Variants in MMS22L observed in about 807,000 individuals in gnomAD.
The protein encoded by MMS22L is MMS22 like, DNA repair protein.
A neutral mutation model predicts 159.1 loss-of-function variants in MMS22L; 74 were observed. The observed-to-expected ratio is 0.47, with a 90% CI of 0.39 to 0.56. The LOEUF is 0.56. Among genes scored for constraint, MMS22L ranks in the 20% least tolerant of loss-of-function variants. MMS22L has a pLI of 0.00. For synonymous variants in MMS22L, 517 were observed against 506.9 expected, an observed-to-expected ratio of 1.02 and a Z score of -0.27; for missense variants, 1,351 against 1,422.1, an observed-to-expected ratio of 0.95 and a Z score of 0.80.
chr6:97,281,015 A>G (rs1334242219), intron 3 of MMS22L, among the ~76,000 whole-genome samples: 1 of 152,212 alleles, frequency 6.6e-6, no homozygotes, highest in African/African-American at 2.4e-5. Context: ...TTGTCAATAC[A>G]TGTGTCAAAT....
intron 14 of MMS22L, among the ~76,000 whole-genome samples, chr6:97,228,659 C>G (rs1015477596): frequency 1.3e-5 from 2 of 152,132 alleles, no homozygotes; most frequent in African/African-American, 2.4e-5. Flanking sequence ...AAAATCTAAA[C>G]AAATCCAAAA....
intron 11 of MMS22L, among the ~76,000 whole-genome samples, chr6:97,234,351 T>G (rs1811177371): frequency 6.6e-6 from 1 of 152,210 alleles, no homozygotes; most frequent in Non-Finnish European, 1.5e-5. Context: ...TCCAGAGTGC[T>G]TGGTCATACT....
intron 10 of MMS22L, among the ~76,000 whole-genome samples, chr6:97,248,970 C>T (rs1317539517): frequency 3.3e-5 from 5 of 152,012 alleles, no homozygotes; most frequent in Admixed American, 1.3e-4. Flanking sequence ...TATGGTCATA[C>T]TGGATAATCT....
At position 97,162,110 on chromosome 6, in the gene MMS22L, G is replaced by C; in HGVS notation, c.3277C>G (p.Leu1093Val). ...SSPPPRLASI[L>V]AFILQLFKET... The stretch of plus-strand genomic sequence containing the variant: ...TTGAAGAGTTGGAGGATGAAGGCCA[G>C]AATGGATGCTAAGCGAGGAGGAGGT... The change falls in exon 22 of 25, where the codon CTG becomes GTG. Residue 1093 changes from leucine (L) to valine (V), a missense_variant. Physicochemically the swap from Leu to Val is conservative, Grantham distance 32. Coordinates refer to ENST00000683635, the MANE Select transcript of MMS22L (RefSeq NM_001350599.2). The C allele has an allele frequency of 1.9e-6, 3 of 1,611,782 alleles. No individual in the cohort carries two copies. The highest frequency in any genetic ancestry group is 2.5e-6 in the Non-Finnish European group (3 of 1,178,948).
rs1304854975 is a variant in MMS22L, at chr6:97,192,212, GAAT to G, written c.2040-5525_2040-5523del. Among the ~76,000 whole-genome samples, 133 of 151,802 alleles carry G rather than the reference GAAT, an allele frequency of 8.8e-4. 2 individuals carry two copies. Among genetic ancestry groups the G allele is most frequent in the Admixed American group, 8.4e-3 (128 of 15,210 alleles). On this transcript the variant is annotated intron_variant, in intron 14 of 24. Transcript: ENST00000683635. ...TGGATGGATGGATGGATGGATGGAT[GAAT>G]GAATGAATGAATATGTGAAATCAAA...
chr6:97,250,331 T>A (rs867685674), intron 10 of MMS22L, among the ~76,000 whole-genome samples: 2 of 152,158 alleles, frequency 1.3e-5, no homozygotes, highest in South Asian at 4.1e-4. Flanking sequence ...GACTAGGTAG[T>A]CTGGTGCAAC....
intron 11 of MMS22L, among the ~76,000 whole-genome samples, chr6:97,244,772 T>C (rs1308279679): frequency 6.6e-6 from 1 of 152,146 alleles, no homozygotes. Context: ...TATATATTAG[T>C]TCTGTCCCTC....
intron 7 of MMS22L, among the ~76,000 whole-genome samples, chr6:97,268,390 G>A (rs879574197): frequency 2.5e-4 from 38 of 151,852 alleles, no homozygotes; most frequent in Non-Finnish European, 4.3e-4. Flanking sequence ...GGGTTTCACC[G>A]TGTTAGCCAG....
At chr6:97,184,495 T>TA (rs1316591465) in intron 15 of MMS22L, among the ~76,000 whole-genome samples, 3 of 151,984 alleles carry the variant, frequency 2.0e-5, no homozygotes, top group African/African-American at 4.8e-5. Context: ...ATGAACATCT[T>TA]AAAAAAAATT....
intron 14 of MMS22L, among the ~76,000 whole-genome samples, chr6:97,195,477 AC>A (rs1806392755): frequency 6.6e-6 from 1 of 152,220 alleles, no homozygotes; most frequent in Non-Finnish European, 1.5e-5. Flanking sequence ...AAAAAACGTA[AC>A]CACTTTGATT....
At chr6:97,201,192 T>C (rs1280513864) in intron 14 of MMS22L, among the ~76,000 whole-genome samples, 1 of 152,172 alleles carries the variant, frequency 6.6e-6, no homozygotes, top group Non-Finnish European at 1.5e-5. Flanking sequence ...ACAGCCTACA[T>C]ATTTGAATAA....
intron 3 of MMS22L, among the ~76,000 whole-genome samples, chr6:97,279,604 G>A (rs1489165686): frequency 6.6e-6 from 1 of 151,914 alleles, no homozygotes; most frequent in Non-Finnish European, 1.5e-5. Flanking sequence ...GGCCAGCATG[G>A]TGAGACCCCA....
At chr6:97,165,158 G>A in intron 21 of MMS22L, 88 bp downstream of exon 21, 2 of 1,129,548 alleles carry the variant, frequency 1.8e-6, no homozygotes, top group Admixed American at 1.8e-5. Context: ...TATCCTAAGG[G>A]TTGCCAATAT....
intron 19 of MMS22L, among the ~76,000 whole-genome samples, chr6:97,170,285 T>A (rs779266812): frequency 2.0e-5 from 3 of 152,128 alleles, no homozygotes; most frequent in Non-Finnish European, 4.4e-5. Flanking sequence ...CTTTAGGAGT[T>A]CATATAAGGT....
At chr6:97,165,078 A>G (rs1802826918) in intron 21 of MMS22L, among the ~76,000 whole-genome samples, 168 bp downstream of exon 21, 2 of 152,156 alleles carry the variant, frequency 1.3e-5, no homozygotes, top group Non-Finnish European at 2.9e-5. Context: ...AGGCTGCCAT[A>G]AGCAAATGTC....
At chr6:97,274,303 T>C (rs1816043671) in intron 4 of MMS22L, among the ~76,000 whole-genome samples, 1 of 152,168 alleles carries the variant, frequency 6.6e-6, no homozygotes, top group South Asian at 2.1e-4. Flanking sequence ...AATACCTCCA[T>C]ATTAAACTGC....
chr6:97,154,429 C>T (rs954331445), intron 22 of MMS22L, among the ~76,000 whole-genome samples: 1 of 152,066 alleles, frequency 6.6e-6, no homozygotes, highest in African/African-American at 2.4e-5. Flanking sequence ...TTAACAGTGT[C>T]CTTTGAAACA....
intron 16 of MMS22L, among the ~76,000 whole-genome samples, chr6:97,181,617 G>A (rs1804716403): frequency 6.6e-6 from 1 of 152,100 alleles, no homozygotes; most frequent in African/African-American, 2.4e-5. Flanking sequence ...TTCACAGTGG[G>A]ATGTGTAGAA....
chr6:97,198,158 A>C (rs756049915), intron 14 of MMS22L, among the ~76,000 whole-genome samples: 9 of 152,118 alleles, frequency 5.9e-5, no homozygotes, highest in Non-Finnish European at 1.0e-4. Context: ...GCAATGTAGG[A>C]AGTCCAATGA....
Sources: gnomAD v4.1 joint callset for allele counts (sites outside exome capture counted in the v4.1 genomes callset) on GRCh38, gnomAD v4.1.1 for gene constraint, MANE v1.5 for transcripts, NCBI Gene and HGNC (gene_info 2026-07-23, HGNC 2026-07-21) for gene names.